The following SLC6A15 variants were observed in gnomAD, a reference collection of about 807,000 sequenced individuals.
The protein encoded by SLC6A15 is sodium-dependent neutral amino acid transporter B(0)AT2.
SLC6A15 carries 33 observed loss-of-function variants against 68.5 expected under a neutral mutation model. That is an observed-to-expected ratio of 0.48 (90% confidence interval 0.37 to 0.64). The LOEUF (loss-of-function observed/expected upper bound fraction) is 0.64, where lower values mean the gene tolerates loss of function less well. Ranked by LOEUF, SLC6A15 falls within the 30% of genes least tolerant of loss-of-function variation. The probability of loss-of-function intolerance (pLI) is 0.00; values close to 1 mark genes in which losing one functional copy is unlikely to be tolerated. For missense variants in SLC6A15, 747 were observed against 874.3 expected (o/e 0.85, Z 1.84); for synonymous variants, 347 against 301.0 (o/e 1.15, Z -1.58).
At chr12:84,867,640 ATAT>A (rs1425792848) in intron 9 of SLC6A15, 1 of 152,218 alleles carries the variant, frequency 6.6e-6, no homozygotes, top group South Asian at 2.1e-4. Context: ...AATATTGCTT[ATAT>A]TATTATGAAA....
chr12:84,892,912 C>A (rs1476822234), intron 1 of SLC6A15, among the ~76,000 whole-genome samples: 1 of 152,162 alleles, frequency 6.6e-6, no homozygotes, highest in Admixed American at 6.5e-5. Context: ...GCCTCAGTCC[C>A]AGAAGTAGCT....
chr12:84,904,635 T>C (rs948385936), intron 1 of SLC6A15, among the ~76,000 whole-genome samples: 1 of 152,192 alleles, frequency 6.6e-6, no homozygotes, highest in Non-Finnish European at 1.5e-5. Flanking sequence ...TCATAGGTAT[T>C]AGAATAGAAA....
At chr12:84,908,601 C>CATATATATATAT (rs3084056) in intron 1 of SLC6A15, among the ~76,000 whole-genome samples, 167 of 140,504 alleles carry the variant, frequency 1.2e-3, no homozygotes, top group African/African-American at 1.8e-3. Flanking sequence ...AGTAAAGAAA[C>CATATATATATAT]ATATATATAT....
chr12:84,893,455 C>T (rs1212147258), intron 1 of SLC6A15, among the ~76,000 whole-genome samples: 1 of 151,948 alleles, frequency 6.6e-6, no homozygotes, highest in Non-Finnish European at 1.5e-5. Context: ...CGTCTCCTAT[C>T]CTTTTCCCCA....
intron 2 of SLC6A15, 32 bp from the exon 3 acceptor site, chr12:84,886,100 T>C: frequency 6.9e-7 from 1 of 1,453,928 alleles, no homozygotes; most frequent in Non-Finnish European, 9.5e-7. Context: ...ATAGATTATA[T>C]TTTCAATACA....
At chr12:84,893,667 C>A (rs182834511) in intron 1 of SLC6A15, among the ~76,000 whole-genome samples, 1 of 152,106 alleles carries the variant, frequency 6.6e-6, no homozygotes, top group Non-Finnish European at 1.5e-5. Flanking sequence ...CATTAAAAGT[C>A]AAAGAAAACA....
At chr12:84,881,294 T>A (rs1271194661) in intron 5 of SLC6A15, 4 of 245,368 alleles carry the variant, frequency 1.6e-5, no homozygotes, top group Non-Finnish European at 2.6e-5. Context: ...TCAAGTTTGA[T>A]TCTTGAAAGG....
In SLC6A15 at chr12:84,885,922, C is replaced by A. The variant is rs765939954; in HGVS notation, c.436G>T (p.Ala146Ser). 1 of 1,604,902 alleles carries A rather than the reference C, an allele frequency of 6.2e-7. No individual in the cohort carries two copies. Among genetic ancestry groups the A allele is most frequent in the Non-Finnish European group, 8.5e-7 (1 of 1,176,428 alleles). ...AAAAGGAAACTTACTACACAACTTG[C>A]AAATCCAATCCCGCCCAGTTTAGGG... The part of the protein sequence containing the change: ...ISPKLGGIGF[A>S]SCVVCYFVAL... Residue 146 changes from alanine to serine, a missense_variant, in exon 3 of 12, where the codon GCA becomes TCA. Physicochemically the swap from Ala to Ser is moderately conservative, Grantham distance 99 (BLOSUM62 1). Transcript: ENST00000266682.
At chr12:84,887,534 T>C (rs1216708218) in intron 2 of SLC6A15, among the ~76,000 whole-genome samples, 1 of 152,168 alleles carries the variant, frequency 6.6e-6, no homozygotes, top group African/African-American at 2.4e-5. Context: ...AAACTACATA[T>C]ACAATGTAAA....
rs567135345 is a variant in SLC6A15 at position 84,896,828 on chromosome 12, T to C, written c.-188-4520A>G. ...CATGGAAGTGAACTAAAAGATTAACTGAAAGAAAAAGGTAAGTGGATGAAC... is the reference window on the plus strand; with the variant it reads ...CATGGAAGTGAACTAAAAGATTAACCGAAAGAAAAAGGTAAGTGGATGAAC... On this transcript the variant is annotated intron_variant, in intron 1 of 11. Transcript: ENST00000266682. 7.9e-5 allele frequency among the ~76,000 whole-genome samples: 12 copies of C among 152,168 alleles called. No individual in the cohort carries two copies. The South Asian group carries it at 2.5e-3, about 32-fold the overall frequency.
chr12:84,912,389 C>G (rs1187667801), intron 1 of SLC6A15, 134 bp downstream of exon 1: 2 of 152,766 alleles, frequency 1.3e-5, no homozygotes, highest in East Asian at 1.9e-4. Flanking sequence ...TCCTCCCACC[C>G]CAGGACGCAG....
chr12:84,893,891 G>A (rs1039860330), intron 1 of SLC6A15, among the ~76,000 whole-genome samples: 6 of 152,118 alleles, frequency 3.9e-5, no homozygotes, highest in African/African-American at 1.4e-4. Context: ...AGAAAATTGT[G>A]AAAGAGATGC....
At position 84,861,930 on chromosome 12, in the gene SLC6A15, G is replaced by A; in HGVS notation, c.1895C>T (p.Pro632Leu). 7 of 1,613,910 alleles carry A rather than the reference G, an allele frequency of 4.3e-6. No individual in the cohort carries two copies. The highest frequency in any genetic ancestry group is 5.9e-6 in the Non-Finnish European group (7 of 1,179,890). The change falls in exon 12 of 12, where the codon CCA (proline) becomes CTA (leucine). Residue 632 changes from proline to leucine, a missense_variant. Coordinates refer to ENST00000266682, the MANE Select transcript of SLC6A15 (RefSeq NM_182767.6). Reference protein sequence around the residue: ...CVSLVVFAILPVPVVFIVRRF... With the variant: ...CVSLVVFAILLVPVVFIVRRF... Reference sequence around the variant, plus strand: ...ACGAACAATGAAAACTACAGGGACTGGGAGTATTGCAAAGACAACCAGAGA... The same window carrying A: ...ACGAACAATGAAAACTACAGGGACTAGGAGTATTGCAAAGACAACCAGAGA...
Position 84,861,905 on chromosome 12 carries a change from A to T in SLC6A15, c.1920T>A (p.Arg640=), listed in dbSNP as rs774887172. 57 of 1,613,914 alleles carry T rather than the reference A, an allele frequency of 3.5e-5. No individual in the cohort carries two copies. The highest frequency in any genetic ancestry group is 4.8e-5 in the Non-Finnish European group (57 of 1,179,942). The change falls in exon 12 of 12, where the codon CGT becomes CGA. Residue 640 remains arginine (R), a synonymous_variant. Transcript: ENST00000266682. ...ILPVPVVFIV[R]RFNLIDDSSG... is the part of the protein sequence containing the mutation. The stretch of plus-strand genomic sequence containing the variant: ...AACTATCATCTATAAGGTTGAAGCG[A>T]CGAACAATGAAAACTACAGGGACTG...
intron 1 of SLC6A15, among the ~76,000 whole-genome samples, chr12:84,901,002 A>G (rs891287101): frequency 8.7e-6 from 1 of 115,112 alleles, no homozygotes; most frequent in Non-Finnish European, 1.8e-5. Context: ...ATAGATATGT[A>G]TATATATACA....
At chr12:84,865,808 G>A (rs1370539010) in intron 10 of SLC6A15, among the ~76,000 whole-genome samples, 5 of 152,036 alleles carry the variant, frequency 3.3e-5, no homozygotes, top group Admixed American at 6.6e-5. Flanking sequence ...TCATTGTCTG[G>A]ATGTATGACA....
intron 8 of SLC6A15, among the ~76,000 whole-genome samples, chr12:84,871,733 CA>C (rs1871295219): frequency 6.6e-6 from 1 of 152,114 alleles, no homozygotes; most frequent in Non-Finnish European, 1.5e-5. Context: ...TATCTTAAAG[CA>C]AATAATTAGT....
chr12:84,888,835 G>A (rs1485659976), intron 2 of SLC6A15, among the ~76,000 whole-genome samples: 1 of 152,074 alleles, frequency 6.6e-6, no homozygotes, highest in African/African-American at 2.4e-5. Flanking sequence ...GAAGGACCTC[G>A]GAAGCCAAGG....
At chr12:84,878,731 G>A (rs890257567) in intron 5 of SLC6A15, among the ~76,000 whole-genome samples, 2 of 150,898 alleles carry the variant, frequency 1.3e-5, no homozygotes, top group Admixed American at 6.6e-5. Flanking sequence ...CATATTATTC[G>A]AGGCTAAAAT....
Sources: allele counts gnomAD v4.1 joint callset (sites outside exome capture counted in the v4.1 genomes callset), GRCh38; gene constraint gnomAD v4.1.1; transcripts MANE v1.5; gene names NCBI Gene and HGNC (gene_info 2026-07-23, HGNC 2026-07-21).